The following TAFA2 variants were observed in gnomAD, a reference collection of about 807,000 sequenced individuals.
The protein encoded by TAFA2 is chemokine-like protein TAFA-2.
Under a neutral mutation model 18.8 loss-of-function variants are expected in TAFA2, and 7 were observed. The ratio of observed to expected loss-of-function variants is 0.37; its 90% CI spans 0.21 to 0.70. The LOEUF (loss-of-function observed/expected upper bound fraction) is 0.70, where lower values mean the gene tolerates loss of function less well. Ranked by LOEUF, TAFA2 falls within the 30% of genes least tolerant of loss-of-function variation. TAFA2 has a pLI of 0.53. For synonymous variants in TAFA2, 60 were observed against 54.2 expected (o/e 1.11, Z -0.47); for missense variants, 122 against 158.1 (o/e 0.77, Z 1.23).
At chr12:62,255,984 G>A (rs2062936441) in intron 1 of TAFA2, among the ~76,000 whole-genome samples, 1 of 150,136 alleles carries the variant, frequency 6.7e-6, no homozygotes, top group African/African-American at 2.5e-5. Flanking sequence ...TTAAAAAGAG[G>A]ATAGGCCAGG....
chr12:62,254,236 AC>A (rs901196134), intron 1 of TAFA2, among the ~76,000 whole-genome samples: 1 of 152,180 alleles, frequency 6.6e-6, no homozygotes, highest in African/African-American at 2.4e-5. Context: ...AATCATTACT[AC>A]TATATGTTAA....
chr12:62,245,068 T>A (rs2062878816), intron 1 of TAFA2, among the ~76,000 whole-genome samples: 1 of 151,912 alleles, frequency 6.6e-6, no homozygotes, highest in Admixed American at 6.6e-5. Flanking sequence ...ATATTTTATA[T>A]CTCATAAAAT....
At chr12:62,054,534 G>A (rs1882137863) in intron 1 of TAFA2, among the ~76,000 whole-genome samples, 1 of 152,132 alleles carries the variant, frequency 6.6e-6, no homozygotes, top group Non-Finnish European at 1.5e-5. Context: ...TAAACAGAAA[G>A]GGAAGGTATA....
chr12:62,111,893 G>A (rs1281273249), intron 1 of TAFA2, among the ~76,000 whole-genome samples: 2 of 152,248 alleles, frequency 1.3e-5, no homozygotes, highest in East Asian at 3.9e-4. Context: ...TTGCACGTGA[G>A]ATAGGTCTCT....
chr12:62,007,683 G>C (rs185264315), intron 1 of TAFA2, among the ~76,000 whole-genome samples: 3 of 152,210 alleles, frequency 2.0e-5, no homozygotes, highest in Admixed American at 6.5e-5. Context: ...ACTTTCAGAA[G>C]TGTACTTTTT....
chr12:61,865,044 T>G (rs139921189), intron 2 of TAFA2, among the ~76,000 whole-genome samples: 6 of 152,268 alleles, frequency 3.9e-5, no homozygotes, highest in African/African-American at 1.4e-4. Flanking sequence ...ATTCCATAGA[T>G]GACTGACAGT....
At chr12:62,146,178 T>A (rs1420027773) in intron 1 of TAFA2, among the ~76,000 whole-genome samples, 1 of 151,790 alleles carries the variant, frequency 6.6e-6, no homozygotes, top group Non-Finnish European at 1.5e-5. Flanking sequence ...TTGGAGGCCC[T>A]CTCATCTCAC....
chr12:61,933,474 G>C (rs747020914), intron 1 of TAFA2, among the ~76,000 whole-genome samples: 5 of 152,146 alleles, frequency 3.3e-5, no homozygotes, highest in South Asian at 2.1e-4. Context: ...CACTTTGGGA[G>C]GCAAAGGCAA....
intron 1 of TAFA2, among the ~76,000 whole-genome samples, chr12:61,991,562 T>C (rs996172288): frequency 2.6e-5 from 4 of 152,256 alleles, no homozygotes; most frequent in Non-Finnish European, 5.9e-5. Flanking sequence ...ATATGAATGC[T>C]ACATTTCAGT....
In TAFA2 at chr12:62,215,068, AAG is replaced by A. The variant is rs568320533; in HGVS notation, c.-130+43693_-130+43694del. On this transcript the variant is annotated intron_variant, in intron 1 of 5. Coordinates refer to the TAFA2 transcript ENST00000551619. ...AAAGGAAGTTGTGCAACTCTCACCT[AAG>A]AGAGAGTACTAAGAAGTGAAATCAT... Among the ~76,000 whole-genome samples, 24 of 152,302 alleles carry A rather than the reference AAG, an allele frequency of 1.6e-4. 1 individual carries two copies. The highest frequency in any genetic ancestry group is 3.4e-3 in the Middle Eastern group (1 of 294).
intron 2 of TAFA2, among the ~76,000 whole-genome samples, chr12:61,826,234 C>T (rs564529743): frequency 3.4e-4 from 51 of 151,960 alleles, no homozygotes; most frequent in Non-Finnish European, 7.1e-4. Context: ...TTTCAGAGTA[C>T]GTGTAGCACA....
intron 1 of TAFA2, among the ~76,000 whole-genome samples, chr12:62,059,044 A>G (rs1042223076): frequency 6.6e-6 from 1 of 152,052 alleles, no homozygotes; most frequent in Non-Finnish European, 1.5e-5. Flanking sequence ...CGGAGCTTGC[A>G]GTGAGCCGAG....
chr12:62,193,059 C>T (rs1193964726), upstream of TAFA2, among the ~76,000 whole-genome samples: 1 of 152,190 alleles, frequency 6.6e-6, no homozygotes, highest in Non-Finnish European at 1.5e-5. Context: ...ATATTCATGA[C>T]GCTGGAAGGT....
At chr12:61,854,029 G>T (rs1873786159) in intron 2 of TAFA2, among the ~76,000 whole-genome samples, 1 of 152,224 alleles carries the variant, frequency 6.6e-6, no homozygotes, top group South Asian at 2.1e-4. Context: ...GAGCCCTACT[G>T]CATCATTCTA....
intron 2 of TAFA2, among the ~76,000 whole-genome samples, chr12:61,839,753 A>C (rs536727211): frequency 6.6e-6 from 1 of 152,214 alleles, no homozygotes; most frequent in East Asian, 1.9e-4. Flanking sequence ...AAAGAGTTGA[A>C]AACTACCTAT....
At chr12:62,004,130 AAAAT>A (rs1880468964) in intron 1 of TAFA2, among the ~76,000 whole-genome samples, 1 of 152,172 alleles carries the variant, frequency 6.6e-6, no homozygotes, top group African/African-American at 2.4e-5. Context: ...GCAAAAATAC[AAAAT>A]AAATAAATTA....
chr12:61,727,365 C>G (rs1870217550), intron 4 of TAFA2, among the ~76,000 whole-genome samples: 1 of 149,180 alleles, frequency 6.7e-6, no homozygotes, highest in Admixed American at 6.6e-5. Flanking sequence ...TTTTTTTTGA[C>G]AATTTTTTTT....
At chr12:61,799,374 G>A (rs1221601946) in intron 2 of TAFA2, among the ~76,000 whole-genome samples, 1 of 152,166 alleles carries the variant, frequency 6.6e-6, no homozygotes, top group Non-Finnish European at 1.5e-5. Context: ...TTGAGATCAT[G>A]TTTGATAAAA....
chr12:61,838,718 A>G (rs1419687884), intron 2 of TAFA2, among the ~76,000 whole-genome samples: 1 of 152,094 alleles, frequency 6.6e-6, no homozygotes, highest in African/African-American at 2.4e-5. Context: ...AGTTCGACAA[A>G]TATTTTTGAG....
Sources: allele counts gnomAD v4.1 joint callset (sites outside exome capture counted in the v4.1 genomes callset), GRCh38; gene constraint gnomAD v4.1.1; transcripts MANE v1.5; gene names NCBI Gene and HGNC (gene_info 2026-07-23, HGNC 2026-07-21).